The following RAPGEF3 variants were observed in gnomAD, a reference collection of about 807,000 sequenced individuals.
RAPGEF3 encodes the protein 9330170P05Rik.
A neutral mutation model predicts 129.8 loss-of-function variants in RAPGEF3; 103 were observed. The ratio of observed to expected loss-of-function variants is 0.79; its 90% CI spans 0.68 to 0.93. RAPGEF3 has a LOEUF of 0.93. RAPGEF3 is among the 40% of genes least tolerant of loss of function. RAPGEF3 has a pLI of 0.00. For synonymous variants in RAPGEF3, 436 were observed against 482.6 expected (o/e 0.90, Z 1.26); for missense variants, 1,117 against 1,207.4 (o/e 0.93, Z 1.11).
At chr12:47,746,212 C>A in intron 16 of RAPGEF3, 1 of 189,616 alleles carries the variant, frequency 5.3e-6, no homozygotes, top group Non-Finnish European at 1.1e-5. Context: ...GCTTCGCCTG[C>A]GGAGGAGAAG....
chr12:47,743,889 A>C, intron 17 of RAPGEF3, 98 bp downstream of exon 17: 1 of 1,414,080 alleles, frequency 7.1e-7, no homozygotes, highest in Non-Finnish European at 9.9e-7. Context: ...ACCTTGGCCC[A>C]GGCACACCGA....
chr12:47,751,915 C>G lies in RAPGEF3; in HGVS notation c.273+1G>C. 1 of 1,614,190 alleles carries G rather than the reference C, an allele frequency of 6.2e-7. No homozygotes were observed. Among genetic ancestry groups the G allele is most frequent in the Non-Finnish European group, 8.5e-7 (1 of 1,180,020 alleles). On this transcript the variant is annotated splice_donor_variant, in intron 3 of 27. Coordinates refer to ENST00000449771, the MANE Select transcript of RAPGEF3 (RefSeq NM_001098531.4). LOFTEE classifies it high-confidence loss of function. The stretch of plus-strand genomic sequence containing the variant: ...CAGCTCCACCCTGCCCAGGCTTCTA[C>G]CTGCTCCAGGCTCTCGCTGAAATCC...
chr12:47,746,990 C>T, intron 15 of RAPGEF3, 91 bp from the exon 16 acceptor site: 1 of 1,299,394 alleles, frequency 7.7e-7, no homozygotes, highest in Non-Finnish European at 1.1e-6. Flanking sequence ...CTCCCCGGCC[C>T]TCACCAGTGG....
At chr12:47,755,111 A>G (rs1941975782) in intron 2 of RAPGEF3, among the ~76,000 whole-genome samples, 1 of 152,184 alleles carries the variant, frequency 6.6e-6, no homozygotes, top group African/African-American at 2.4e-5. Flanking sequence ...TACTGTTCGT[A>G]GCAAGAGAGA....
In RAPGEF3 at chr12:47,736,419, C is replaced by T. The variant is rs969835279; in HGVS notation, c.*1148G>A. On this transcript the variant is annotated 3_prime_UTR_variant, in exon 28 of 28. Transcript: ENST00000449771. ...TGCCTCCTGCTGCCAGGACTCAGGGCAATAGCAAGGCAAGAGGGTGGAGTC... is the reference window on the plus strand; with the variant it reads ...TGCCTCCTGCTGCCAGGACTCAGGGTAATAGCAAGGCAAGAGGGTGGAGTC... 6.6e-6 allele frequency: 1 copy of T among 152,290 alleles called. No homozygotes were observed. The highest frequency in any genetic ancestry group is 2.4e-5 in the African/African-American group (1 of 41,456). 9.4% of individuals were successfully genotyped at this position (152,290 alleles called of 1,614,324 possible).
rs1356798108 is a variant in RAPGEF3, at chr12:47,736,961, G to A, written c.*606C>T. On this transcript the variant is annotated 3_prime_UTR_variant, in exon 28 of 28. Transcript: ENST00000449771. ...TCTCCTCCACAGCTCCTTCCCAGAGGGCGGGGCCTCAGCCTCCCTGCCACG... is the reference window on the plus strand; with the variant it reads ...TCTCCTCCACAGCTCCTTCCCAGAGAGCGGGGCCTCAGCCTCCCTGCCACG... The A allele has an allele frequency of 1.3e-5, 2 of 152,770 alleles. No individual in the cohort carries two copies. Among genetic ancestry groups the A allele is most frequent in the African/African-American group, 4.8e-5 (2 of 41,482 alleles). The allele number at this position is 152,770 out of a possible 1,614,324, so 9.5% of individuals were successfully genotyped here. A position where few individuals can be genotyped will look rare whatever the true frequency, so the allele number is the denominator to read the frequency against.
intron 21 of RAPGEF3, 116 bp from the exon 22 acceptor site, chr12:47,740,511 G>T: frequency 6.8e-7 from 1 of 1,477,386 alleles, no homozygotes; most frequent in Non-Finnish European, 9.3e-7. Flanking sequence ...GGGTGGGAAG[G>T]CAGAGGCTCC....
intron 13 of RAPGEF3, 28 bp from the exon 14 acceptor site, chr12:47,747,890 A>T: frequency 6.3e-7 from 1 of 1,599,712 alleles, no homozygotes; most frequent in African/African-American, 1.3e-5. Flanking sequence ...GAACCACAAC[A>T]TCCAAGCAGG....
chr12:47,746,560 C>G (rs1020995105), intron 16 of RAPGEF3: 3 of 673,504 alleles, frequency 4.5e-6, no homozygotes, highest in Non-Finnish European at 8.1e-6. Flanking sequence ...CTCCAGCCAC[C>G]ATTCCTCATC....
chr12:47,751,784 G>A lies in RAPGEF3; in HGVS notation c.319C>T (p.His107Tyr). 3 of 1,614,094 alleles carry A rather than the reference G, an allele frequency of 1.9e-6. No individual in the cohort carries two copies. The highest frequency in any genetic ancestry group is 1.6e-4 in the Middle Eastern group (1 of 6,062). The change falls in exon 4 of 28, where the codon CAT (histidine) becomes TAT (tyrosine). Residue 107 changes from histidine to tyrosine, a missense_variant. Around this residue, in one of 3 missense-constraint regions of RAPGEF3, gnomAD observed 367 missense variants for 373.4 expected, o/e 0.98. Transcript: ENST00000449771. ...AGGTTTGGGCAGGTGGCCAGCAGATGCCGATGCAGCTGCCTCCCAGCCCTG... is the reference window on the plus strand; with the variant it reads ...AGGTTTGGGCAGGTGGCCAGCAGATACCGATGCAGCTGCCTCCCAGCCCTG... ...VLRAGRQLHR[H>Y]LLATCPNLIR...
rs756136989 is a variant in RAPGEF3 at position 47,758,584 on chromosome 12, C to T, written c.-28G>A. The T allele has an allele frequency of 6.2e-7, 1 of 1,613,754 alleles. No homozygotes were observed. Among genetic ancestry groups the T allele is most frequent in the Non-Finnish European group, 8.5e-7 (1 of 1,179,794 alleles). On this transcript the variant is annotated 5_prime_UTR_variant, in exon 1 of 28. Transcript: ENST00000449771. ...TTCTTTTCAAGCTCGCACAGCCGTGCAGGCTCTAGCAAAAGGCTGGGGGGT... is the reference window on the plus strand; with the variant it reads ...TTCTTTTCAAGCTCGCACAGCCGTGTAGGCTCTAGCAAAAGGCTGGGGGGT...
intron 2 of RAPGEF3, among the ~76,000 whole-genome samples, chr12:47,754,496 T>A (rs1941939037): frequency 6.6e-6 from 1 of 152,246 alleles, no homozygotes. Context: ...ATCCTAGCTT[T>A]TGCGTTACCA....
chr12:47,757,991 G>A lies in RAPGEF3; in HGVS notation c.94C>T (p.Pro32Ser). 6.4e-7 allele frequency: 1 copy of A among 1,572,332 alleles called. No individual in the cohort carries two copies. The stretch of plus-strand genomic sequence containing the variant: ...AGTGTCCCCTCCGGCACCACGTCAG[G>A]GAGGGCTCCCACCCGCGGTGCTCCC... The part of the protein sequence containing the change: ...ALGAPRVGAL[P>S]DVVPEGTLLN... The change falls in exon 2 of 28, where the codon CCT becomes TCT. Residue 32 changes from proline to serine, a missense_variant. Coordinates refer to ENST00000449771, the MANE Select transcript of RAPGEF3 (RefSeq NM_001098531.4).
At position 47,750,233 on chromosome 12, in the gene RAPGEF3, T is replaced by C. The variant is rs1941665046; in HGVS notation, c.756+108A>G. 11 of 1,267,936 alleles carry C rather than the reference T, an allele frequency of 8.7e-6. No homozygotes were observed. The South Asian group carries it at 1.0e-4, about 12-fold the overall frequency. 78.5% of individuals were successfully genotyped at this position (1,267,936 alleles called of 1,614,324 possible). On this transcript the variant is annotated intron_variant, in intron 7 of 27. Coordinates refer to ENST00000449771, the MANE Select transcript of RAPGEF3 (RefSeq NM_001098531.4). ...AAATCAGACTGAAAATTTCCAGCCA[T>C]AGATGGAAGTGGAGAAATGCCCTCT...
rs2136749103 is a variant in RAPGEF3 at position 47,741,680 on chromosome 12, C to T, written c.1826-78G>A. ...CCAGCTGGATGCCAGGGTGGAGGTG[C>T]TGTTTGGGAGGCTGAGAGGTTGTTT... is the stretch of plus-strand genomic sequence containing the variant. On this transcript the variant is annotated intron_variant, in intron 18 of 27. Transcript: ENST00000449771. The T allele has an allele frequency of 3.2e-6, 4 of 1,238,760 alleles. No individual in the cohort carries two copies. In the East Asian group the frequency reaches 7.0e-5, roughly 22 times the overall value. 76.7% of individuals were successfully genotyped at this position (1,238,760 alleles called of 1,614,324 possible). A position where few individuals can be genotyped will look rare whatever the true frequency, so the allele number is the denominator to read the frequency against.
intron 16 of RAPGEF3, 70 bp from the exon 17 acceptor site, chr12:47,744,138 G>C: frequency 7.6e-7 from 1 of 1,318,500 alleles, no homozygotes; most frequent in Non-Finnish European, 1.1e-6. Context: ...GAGGGATTGT[G>C]AGGTCCCTGT....
At chr12:47,746,926 G>A in intron 15 of RAPGEF3, 27 bp from the exon 16 acceptor site, 1 of 1,599,188 alleles carries the variant, frequency 6.3e-7, no homozygotes, top group Middle Eastern at 1.7e-4. Context: ...AGGGAGGTGA[G>A]TGAGCCCAGG....
chr12:47,746,696 G>T, intron 16 of RAPGEF3, 164 bp downstream of exon 16: 1 of 870,748 alleles, frequency 1.1e-6, no homozygotes, highest in Non-Finnish European at 1.9e-6. Context: ...CTGGCCCAGG[G>T]CACCACATGC....
chr12:47,741,370 G>T, intron 19 of RAPGEF3, 135 bp downstream of exon 19: 1 of 846,572 alleles, frequency 1.2e-6, no homozygotes, highest in Non-Finnish European at 1.9e-6. Context: ...CCACTCCTTT[G>T]TGTGCTGAGG....
Sources: allele counts gnomAD v4.1 joint callset (sites outside exome capture counted in the v4.1 genomes callset), GRCh38; gene constraint gnomAD v4.1.1; regional missense constraint gnomAD v4.1.1; transcripts MANE v1.5; gene names NCBI Gene and HGNC (gene_info 2026-07-23, HGNC 2026-07-21).